NUB1: variants seen among roughly 807,000 people sequenced by gnomAD.
NUB1 encodes the protein negative regulator of ubiquitin like proteins 1.
NUB1 carries 41 observed loss-of-function variants against 77.1 expected under a neutral mutation model. That is an observed-to-expected ratio of 0.53 (90% CI 0.41 to 0.69). NUB1 has a LOEUF of 0.69. Ranked by LOEUF, NUB1 falls within the 30% of genes least tolerant of loss-of-function variation. The pLI, the probability that NUB1 is intolerant of heterozygous loss-of-function variation, is 0.00. For synonymous variants in NUB1, 257 were observed against 281.0 expected, an observed-to-expected ratio of 0.91 and a Z score of 0.85; for missense variants, 643 against 743.8, an observed-to-expected ratio of 0.86 and a Z score of 1.58.
At chr7:151,373,704 G>A (rs928798026) in intron 11 of NUB1, among the ~76,000 whole-genome samples, 10 of 152,310 alleles carry the variant, frequency 6.6e-5, no homozygotes, top group African/African-American at 1.4e-4. Context: ...TTCCCACCGC[G>A]TGCAGAAGCT....
intron 7 of NUB1, 21 bp downstream of exon 7, chr7:151,356,243 G>C (rs765689677): frequency 6.5e-7 from 1 of 1,543,288 alleles, no homozygotes; most frequent in South Asian, 1.1e-5. Context: ...TGAGAAATGT[G>C]TGGCCTGTTC....
At chr7:151,374,527 A>G (rs985621025) in intron 12 of NUB1, 4 of 502,720 alleles carry the variant, frequency 8.0e-6, no homozygotes, top group Admixed American at 6.8e-5. Flanking sequence ...TTCTGTGTGC[A>G]GCAGAGTTTA....
chr7:151,366,870 A>G (rs1362422998), intron 8 of NUB1, 69 bp from the exon 9 acceptor site: 1 of 1,278,478 alleles, frequency 7.8e-7, no homozygotes, highest in Non-Finnish European at 1.1e-6. Context: ...TCATTCACAA[A>G]AAGGTTTCAA....
At chr7:151,347,159 A>C (rs1796538098) in intron 2 of NUB1, among the ~76,000 whole-genome samples, 1 of 152,208 alleles carries the variant, frequency 6.6e-6, no homozygotes, top group Non-Finnish European at 1.5e-5. Flanking sequence ...GTATATAAAT[A>C]CAAAAATATA....
chr7:151,368,403 G>C (rs978796007), intron 10 of NUB1, among the ~76,000 whole-genome samples: 1 of 152,180 alleles, frequency 6.6e-6, no homozygotes, highest in African/African-American at 2.4e-5. Context: ...TCACTACCTG[G>C]CTACACCCAG....
At chr7:151,342,576 T>C (rs1180289604) in intron 1 of NUB1, among the ~76,000 whole-genome samples, 1 of 152,248 alleles carries the variant, frequency 6.6e-6, no homozygotes, top group African/African-American at 2.4e-5. Context: ...CATGAAACTT[T>C]TTCAGTTCTC....
chr7:151,361,645 A>C (rs73474411), intron 8 of NUB1, among the ~76,000 whole-genome samples: 2,080 of 152,330 alleles, frequency 0.014, 66 homozygotes, highest in African/African-American at 0.047. Context: ...TCCCAAGATA[A>C]TACTGTATAC....
At chr7:151,363,070 A>G (rs1169903242) in intron 8 of NUB1, among the ~76,000 whole-genome samples, 2 of 152,266 alleles carry the variant, frequency 1.3e-5, no homozygotes, top group Non-Finnish European at 2.9e-5. Flanking sequence ...TCAATAATTT[A>G]GCAATTCAAA....
Position 151,377,175 on chromosome 7 carries a change from G to T in NUB1, c.1798G>T (p.Glu600Ter). ...TLEDEEIIIA[E>*]YLSYVENRKS... ...GGAAGATGAAGAAATTATTATTGCA[G>T]AGTACCTATCCTATGTAGAAAATAG... Residue 600 changes from glutamate (E) to a stop codon, truncating the protein, a stop_gained, in exon 15 of 15, where the codon GAG becomes TAG. Coordinates refer to ENST00000568733, the MANE Select transcript of NUB1 (RefSeq NM_001243351.2). LOFTEE classifies it high-confidence loss of function. 1 of 1,590,446 alleles carries T rather than the reference G, an allele frequency of 6.3e-7. No homozygotes were observed. Among genetic ancestry groups the T allele is most frequent in the Non-Finnish European group, 8.6e-7 (1 of 1,166,958 alleles).
chr7:151,347,121 A>T (rs575093786), intron 2 of NUB1, among the ~76,000 whole-genome samples: 1 of 152,298 alleles, frequency 6.6e-6, no homozygotes, highest in East Asian at 1.9e-4. Context: ...AAGTATTTAT[A>T]ATATATATTC....
intron 2 of NUB1, among the ~76,000 whole-genome samples, chr7:151,348,126 G>A (rs1378823935): frequency 6.6e-6 from 1 of 152,078 alleles, no homozygotes; most frequent in Non-Finnish European, 1.5e-5. Flanking sequence ...CTGAATTTTG[G>A]CGATTTCAGA....
rs757751931 is a variant in NUB1 at position 151,368,698 on chromosome 7, C to T, written c.1096-37C>T. 15 of 1,563,990 alleles carry T rather than the reference C, an allele frequency of 9.6e-6. No individual in the cohort carries two copies. The African/African-American group carries it at 2.1e-4, about 21-fold the overall frequency. On this transcript the variant is annotated intron_variant, in intron 10 of 14. Coordinates refer to ENST00000568733, the MANE Select transcript of NUB1 (RefSeq NM_001243351.2). ...ACTTTGTATTAAGCTTTAAGTATTG[C>T]CGTGGTTACATGATTCTTACATTTC...
At chr7:151,342,756 T>G (rs1796271711) in intron 1 of NUB1, among the ~76,000 whole-genome samples, 1 of 152,194 alleles carries the variant, frequency 6.6e-6, no homozygotes, top group Non-Finnish European at 1.5e-5. Flanking sequence ...CTCCCTGGAG[T>G]GTCTGACACG....
chr7:151,346,430 T>C (rs148151648), intron 2 of NUB1, among the ~76,000 whole-genome samples: 152 of 152,342 alleles, frequency 1.0e-3, no homozygotes, highest in African/African-American at 3.5e-3. Flanking sequence ...CTCATGAGGC[T>C]TGGTTGCCCC....
At chr7:151,364,103 T>A (rs1419363232) in intron 8 of NUB1, among the ~76,000 whole-genome samples, 1 of 150,862 alleles carries the variant, frequency 6.6e-6, no homozygotes, top group Non-Finnish European at 1.5e-5. Flanking sequence ...CTAAAATTTT[T>A]ATGTTAAATA....
At chr7:151,362,245 T>C (rs1797411680) in intron 8 of NUB1, among the ~76,000 whole-genome samples, 1 of 152,206 alleles carries the variant, frequency 6.6e-6, no homozygotes, top group African/African-American at 2.4e-5. Context: ...AGAAAGTTTT[T>C]TTTTTCCTGG....
In NUB1 at chr7:151,377,797, C is replaced by A. The variant is rs564907929; in HGVS notation, c.*572C>A. ...CCTTGGGGGCCACACCAGGTCGCAG[C>A]AAATGGCTTCAGCCTGGGACGCCAG... is the stretch of plus-strand genomic sequence containing the variant. On this transcript the variant is annotated 3_prime_UTR_variant, in exon 15 of 15. Transcript: ENST00000568733. The A allele has an allele frequency of 6.6e-6, 1 of 152,372 alleles. No individual in the cohort carries two copies. The highest frequency in any genetic ancestry group is 1.9e-4 in the East Asian group (1 of 5,184). 9.4% of individuals were successfully genotyped at this position (152,372 alleles called of 1,614,324 possible).
In NUB1 at chr7:151,368,025, A is replaced by C. The variant is rs913294483; in HGVS notation, c.1095+57A>C. On this transcript the variant is annotated intron_variant, in intron 10 of 14. Coordinates refer to ENST00000568733, the MANE Select transcript of NUB1 (RefSeq NM_001243351.2). ...CCTCCTTTTAAAAAACATTCCCAGA[A>C]GTTAAGGATTTTAACTTAGTAGTTT... 14 of 1,033,114 alleles carry C rather than the reference A, an allele frequency of 1.4e-5. No individual in the cohort carries two copies. The African/African-American group carries it at 2.3e-4, about 17-fold the overall frequency. 64.0% of individuals were successfully genotyped at this position (1,033,114 alleles called of 1,614,324 possible). A position where few individuals can be genotyped will look rare whatever the true frequency, so the allele number is the denominator to read the frequency against.
intron 12 of NUB1, among the ~76,000 whole-genome samples, chr7:151,374,977 C>T (rs186263116): frequency 9.4e-5 from 12 of 128,146 alleles, no homozygotes; most frequent in Admixed American, 2.9e-4. Flanking sequence ...GGGCAGGAAG[C>T]AGAGTGGTAG....
Sources: gnomAD v4.1 joint callset for allele counts (sites outside exome capture counted in the v4.1 genomes callset) on GRCh38, gnomAD v4.1.1 for gene constraint, MANE v1.5 for transcripts, NCBI Gene and HGNC (gene_info 2026-07-23, HGNC 2026-07-21) for gene names.